The following DZIP1 variants were observed in gnomAD, a reference collection of about 807,000 sequenced individuals.
DZIP1 encodes the protein DAZ interacting zinc finger protein 1, also known as cilium assembly protein DZIP1.
In DZIP1, 97 loss-of-function variants were observed where a neutral mutation model predicts 107.6. The ratio of observed to expected loss-of-function variants is 0.90; its 90% CI spans 0.77 to 1.07. DZIP1 has a LOEUF of 1.07. DZIP1 is among the 50% of genes least tolerant of loss of function. The pLI is 0.00. For synonymous variants in DZIP1, 390 were observed against 386.4 expected (o/e 1.01, Z -0.11); for missense variants, 1,035 against 1,063.6 (o/e 0.97, Z 0.37).
chr13:95,634,851 A>C (rs548565556), intron 5 of DZIP1, among the ~76,000 whole-genome samples: 6 of 152,278 alleles, frequency 3.9e-5, no homozygotes, highest in Admixed American at 3.9e-4. Flanking sequence ...TTTTTCCCTA[A>C]TATTTCACAT....
In DZIP1 at chr13:95,624,852, T is replaced by C. The variant is rs780188519; in HGVS notation, c.888A>G (p.Lys296=). 1.2e-6 allele frequency: 2 copies of C among 1,612,816 alleles called. No individual in the cohort carries two copies. Among genetic ancestry groups the C allele is most frequent in the Non-Finnish European group, 1.7e-6 (2 of 1,179,224 alleles). ...FDRWKEEEKE[K]LVDEMEKVKE... ...TGACTTTTTCCATTTCATCAACTAG[T>C]TTCTCCTTTTCTTCTTCTTTCCACC... is the stretch of plus-strand genomic sequence containing the variant. The change falls in exon 8 of 23, where the codon AAA becomes AAG. Residue 296 remains lysine, a synonymous_variant. Transcript: ENST00000376829.
chr13:95,601,084 A>C (rs2044605977), intron 14 of DZIP1, among the ~76,000 whole-genome samples: 1 of 152,178 alleles, frequency 6.6e-6, no homozygotes, highest in Non-Finnish European at 1.5e-5. Context: ...CATATTTATT[A>C]TTTTATAACA....
intron 10 of DZIP1, among the ~76,000 whole-genome samples, chr13:95,615,743 G>A (rs1874974658): frequency 6.6e-6 from 1 of 152,208 alleles, no homozygotes; most frequent in Non-Finnish European, 1.5e-5. Flanking sequence ...AGACAGGCCA[G>A]CAGTGTAGTA....
At position 95,609,451 on chromosome 13, in the gene DZIP1, A is replaced by G; in HGVS notation, c.1420+6T>C. On this transcript the variant is annotated splice_donor_region_variant and intron_variant, in intron 13 of 22. Coordinates refer to ENST00000376829, the MANE Select transcript of DZIP1 (RefSeq NM_198968.4). ...TTGGAGCCCTGCATCTATTATAGGAACTTACTAGGCACAGCTGGAGCAGCT... is the reference window on the plus strand; with the variant it reads ...TTGGAGCCCTGCATCTATTATAGGAGCTTACTAGGCACAGCTGGAGCAGCT... 1 of 1,559,086 alleles carries G rather than the reference A, an allele frequency of 6.4e-7. No homozygotes were observed. Among genetic ancestry groups the G allele is most frequent in the Non-Finnish European group, 8.7e-7 (1 of 1,153,958 alleles).
intron 14 of DZIP1, among the ~76,000 whole-genome samples, chr13:95,600,699 T>C (rs1033837053): frequency 6.6e-6 from 1 of 152,126 alleles, no homozygotes; most frequent in Non-Finnish European, 1.5e-5. Flanking sequence ...AGCAACCTAG[T>C]CAATGTATGT....
chr13:95,617,699 CG>C (rs1197836246), intron 10 of DZIP1, among the ~76,000 whole-genome samples: 3 of 45,242 alleles, frequency 6.6e-5, no homozygotes, highest in Non-Finnish European at 1.4e-4. Context: ...GGGGGTGGGG[CG>C]GGGGGGTCAG....
rs1243213450 is a variant in DZIP1 at position 95,636,540 on chromosome 13, A to G, written c.598-3219T>C. 1.3e-3 allele frequency among the ~76,000 whole-genome samples: 113 copies of G among 84,878 alleles called. 1 individual carries two copies. Among genetic ancestry groups the G allele is most frequent in the African/African-American group, 2.9e-3 (80 of 28,012 alleles). 55.7% of individuals were successfully genotyped at this position (84,878 alleles called of 152,430 possible). A position where few individuals can be genotyped will look rare whatever the true frequency, so the allele number is the denominator to read the frequency against. ...GCCAGGGTGACAAAACAAGACCTTG[A>G]CTCAAAAAAAAAAAAAAAAATAGAA... On this transcript the variant is annotated intron_variant, in intron 5 of 22. Coordinates refer to ENST00000376829, the MANE Select transcript of DZIP1 (RefSeq NM_198968.4).
chr13:95,584,975 T>C (rs1566356948), intron 21 of DZIP1, 65 bp from the exon 22 acceptor site: 6 of 1,409,956 alleles, frequency 4.3e-6, no homozygotes, highest in Non-Finnish European at 4.9e-6. Context: ...TCAATCATTT[T>C]ATTGGTTAGA....
intron 7 of DZIP1, among the ~76,000 whole-genome samples, chr13:95,628,345 C>A (rs1047124771): frequency 6.6e-6 from 1 of 152,082 alleles, no homozygotes; most frequent in African/African-American, 2.4e-5. Context: ...ACGTGGTGTA[C>A]ATATTTTTTT....
intron 10 of DZIP1, among the ~76,000 whole-genome samples, chr13:95,613,814 GAC>G (rs1874690459): frequency 6.6e-6 from 1 of 152,206 alleles, no homozygotes; most frequent in Admixed American, 6.5e-5. Context: ...CTCTAATTGA[GAC>G]AGCCGAAGGT....
chr13:95,619,997 T>C lies in DZIP1; in HGVS notation c.1111-50A>G, dbSNP rs762857867. The stretch of plus-strand genomic sequence containing the variant: ...TATGTACAACTGTAACAATGAGATC[T>C]ATGCAATATGGGAGCTTCCTTTTTA... On this transcript the variant is annotated intron_variant, in intron 9 of 22. Coordinates refer to ENST00000376829, the MANE Select transcript of DZIP1 (RefSeq NM_198968.4). 8 of 1,592,694 alleles carry C rather than the reference T, an allele frequency of 5.0e-6. No homozygotes were observed. In the Middle Eastern group the frequency reaches 8.4e-4, roughly 166 times the overall value.
chr13:95,589,479 G>A (rs2044252631), intron 18 of DZIP1, among the ~76,000 whole-genome samples: 1 of 152,176 alleles, frequency 6.6e-6, no homozygotes, highest in Admixed American at 6.5e-5. Context: ...CATCTGGGGG[G>A]CCTTTGGGAG....
intron 5 of DZIP1, among the ~76,000 whole-genome samples, chr13:95,636,076 G>A (rs114007858): frequency 0.01 from 1,566 of 151,308 alleles, 29 homozygotes; most frequent in African/African-American, 0.036. Context: ...ATTAAGAAAG[G>A]AATCTAAAGA....
intron 10 of DZIP1, among the ~76,000 whole-genome samples, chr13:95,612,747 G>C (rs1052052082): frequency 6.6e-6 from 1 of 152,070 alleles, no homozygotes; most frequent in East Asian, 1.9e-4. Context: ...ACCATACCTG[G>C]CTAAATTTTG....
rs1160419307 is a variant in DZIP1, at chr13:95,582,126, G to A, written c.*108C>T. 2.0e-6 allele frequency: 2 copies of A among 1,023,770 alleles called. No homozygotes were observed. The highest frequency in any genetic ancestry group is 2.4e-5 in the East Asian group (1 of 41,662). 63.4% of individuals were successfully genotyped at this position (1,023,770 alleles called of 1,614,324 possible). A position where few individuals can be genotyped will look rare whatever the true frequency, so the allele number is the denominator to read the frequency against. On this transcript the variant is annotated 3_prime_UTR_variant, in exon 23 of 23. Transcript: ENST00000376829. ...TCTTTGAATCAGTCTCTGTGTTGCT[G>A]TGGGAAACACGGTAAGGCAGAAGCA...
At chr13:95,594,172 T>A in intron 15 of DZIP1, 86 bp from the exon 16 acceptor site, 1 of 1,082,844 alleles carries the variant, frequency 9.2e-7, no homozygotes, top group Admixed American at 2.7e-5. Flanking sequence ...AAACCACAGC[T>A]TTTAAGCAGC....
At position 95,599,372 on chromosome 13, in the gene DZIP1, T is replaced by C; in HGVS notation, c.1530A>G (p.Glu510=). The C allele has an allele frequency of 6.2e-7, 1 of 1,613,688 alleles. No homozygotes were observed. The highest frequency in any genetic ancestry group is 8.5e-7 in the Non-Finnish European group (1 of 1,179,682). ...ILEPIEELSE[E]EKGRENEQKL... is the part of the protein sequence containing the mutation. ...GATCAAGCCCTTTGTTACCTTTTTC[T>C]TCCTCTGAAAGTTCTTCTATTGGTT... The change falls in exon 15 of 23, where the codon GAA becomes GAG. Residue 510 remains glutamate (E), a synonymous_variant. Transcript: ENST00000376829.
intron 10 of DZIP1, among the ~76,000 whole-genome samples, chr13:95,613,146 A>G (rs968785218): frequency 6.6e-6 from 1 of 152,232 alleles, no homozygotes; most frequent in Non-Finnish European, 1.5e-5. Context: ...TTTGTTTTCA[A>G]TAATTGAAGG....
intron 19 of DZIP1, 139 bp from the exon 20 acceptor site, chr13:95,587,868 C>T (rs2044205807): frequency 2.8e-6 from 3 of 1,084,568 alleles, no homozygotes; most frequent in South Asian, 1.7e-5. Flanking sequence ...GGGGCTATGG[C>T]CAAGATGGCG....
Sources: allele counts gnomAD v4.1 joint callset (sites outside exome capture counted in the v4.1 genomes callset), GRCh38; gene constraint gnomAD v4.1.1; transcripts MANE v1.5; gene names NCBI Gene and HGNC (gene_info 2026-07-23, HGNC 2026-07-21).